Variants in PCDHGA6 observed in about 807,000 individuals in gnomAD.
PCDHGA6 encodes the protein protocadherin gamma subfamily A, 6.
A neutral mutation model predicts 60.6 loss-of-function variants in PCDHGA6; 41 were observed. The ratio of observed to expected loss-of-function variants is 0.68; its 90% CI spans 0.53 to 0.88. The LOEUF is 0.88. Ranked by LOEUF, PCDHGA6 falls within the 40% of genes least tolerant of loss-of-function variation. PCDHGA6 has a pLI of 0.00. For missense variants in PCDHGA6, 1,312 were observed against 1,203.0 expected (o/e 1.09, Z -1.34); for synonymous variants, 594 against 524.4 (o/e 1.13, Z -1.81).
At chr5:141,422,280 C>G (rs748287385) in intron 1 of PCDHGA6, 9 of 1,557,754 alleles carry the variant, frequency 5.8e-6, no homozygotes, top group Non-Finnish European at 7.8e-6. Flanking sequence ...TAACTATCAC[C>G]TCTTCTATTA....
At chr5:141,466,213 C>G (rs2099118871) in intron 1 of PCDHGA6, among the ~76,000 whole-genome samples, 1 of 151,958 alleles carries the variant, frequency 6.6e-6, no homozygotes, top group South Asian at 2.1e-4. Flanking sequence ...CTCTGTTACC[C>G]AGGCTGGAGT....
At chr5:141,505,592 A>G in intron 3 of PCDHGA6, 111 bp downstream of exon 3, 1 of 1,567,266 alleles carries the variant, frequency 6.4e-7, no homozygotes. Context: ...GTTTCTCCAG[A>G]TCTTTCGGCA....
chr5:141,389,126 A>G, intron 1 of PCDHGA6: 1 of 1,614,034 alleles, frequency 6.2e-7, no homozygotes, highest in South Asian at 1.1e-5. Context: ...AGCAGAATCC[A>G]GAGTACAATA....
intron 1 of PCDHGA6, among the ~76,000 whole-genome samples, chr5:141,484,084 T>A (rs1030166144): frequency 3.3e-5 from 5 of 152,174 alleles, no homozygotes; most frequent in African/African-American, 4.8e-5. Flanking sequence ...TCTTTTGAAA[T>A]GGTCTTCGTT....
At chr5:141,441,757 G>A (rs1423867327) in intron 1 of PCDHGA6, 2 of 381,638 alleles carry the variant, frequency 5.2e-6, no homozygotes, top group Middle Eastern at 6.5e-4. Context: ...GTCAACGTGA[G>A]CCTGCGCGTG....
At chr5:141,451,535 A>G (rs150174911) in intron 1 of PCDHGA6, among the ~76,000 whole-genome samples, 2 of 152,328 alleles carry the variant, frequency 1.3e-5, no homozygotes, top group Non-Finnish European at 2.9e-5. Flanking sequence ...GGAGAGTGCC[A>G]GAGAGGGCAA....
chr5:141,439,410 A>T (rs2098110832), intron 1 of PCDHGA6, among the ~76,000 whole-genome samples: 1 of 152,220 alleles, frequency 6.6e-6, no homozygotes, highest in African/African-American at 2.4e-5. Context: ...TGCTAACATC[A>T]CTGAGGTTAT....
Position 141,431,804 on chromosome 5 carries a change from C to G in PCDHGA6, c.2424+55297C>G. On this transcript the variant is annotated intron_variant, in intron 1 of 3. Transcript: ENST00000517434. This position sits in a 1 kb window ranked among gnomAD's most constrained non-coding sequence, Gnocchi z 4.8. Reference sequence around the variant, plus strand: ...GAACGACAATGCCCCAGAAGTGGTCCTCACCTCTCTCGCCAGCTCGGTTCC... The same window carrying G: ...GAACGACAATGCCCCAGAAGTGGTCGTCACCTCTCTCGCCAGCTCGGTTCC... 6.2e-7 allele frequency: 1 copy of G among 1,614,232 alleles called. No homozygotes were observed. The highest frequency in any genetic ancestry group is 1.3e-5 in the African/African-American group (1 of 75,056).
rs1186225096 is a variant in PCDHGA6, at chr5:141,490,605, C to G, written c.2425-4202C>G. The G allele has an allele frequency of 1.1e-5, 18 of 1,614,198 alleles. No homozygotes were observed. Among genetic ancestry groups the G allele is most frequent in the Non-Finnish European group, 1.5e-5 (18 of 1,180,030 alleles). On this transcript the variant is annotated intron_variant, in intron 1 of 3. Transcript: ENST00000517434. The surrounding 1 kb of genome is among the most constrained non-coding windows in gnomAD (Gnocchi z 5.4). ...TCAATGACAATGCACCCCGCTTCAACCAGCAGCTTTACACTGCTTACATCC... is the reference window on the plus strand; with the variant it reads ...TCAATGACAATGCACCCCGCTTCAAGCAGCAGCTTTACACTGCTTACATCC...
intron 1 of PCDHGA6, chr5:141,428,594 G>T (rs1317075888): frequency 4.4e-6 from 1 of 227,916 alleles, no homozygotes; most frequent in Admixed American, 5.2e-5. Context: ...CTGGTAGCAA[G>T]CTTCACTGAA....
intron 1 of PCDHGA6, among the ~76,000 whole-genome samples, chr5:141,386,628 C>A (rs529516653): frequency 2.0e-5 from 3 of 151,780 alleles, no homozygotes; most frequent in Non-Finnish European, 4.4e-5. Flanking sequence ...CTCGCTCTGT[C>A]ACCCAGGCTG....
At chr5:141,421,964 C>A (rs772274014) in intron 1 of PCDHGA6, 3 of 1,611,350 alleles carry the variant, frequency 1.9e-6, no homozygotes, top group Non-Finnish European at 2.5e-6. Flanking sequence ...TTTACACAGT[C>A]CGTATATCGC....
At chr5:141,394,154 C>A (rs770076493) in intron 1 of PCDHGA6, 1 of 1,613,918 alleles carries the variant, frequency 6.2e-7, no homozygotes, top group Admixed American at 1.7e-5. Context: ...ACATTAACGA[C>A]AACCCTCCTA....
chr5:141,475,749 A>G (rs1039777629), intron 1 of PCDHGA6, among the ~76,000 whole-genome samples: 13 of 152,278 alleles, frequency 8.5e-5, no homozygotes, highest in Admixed American at 6.5e-5. Context: ...TAGGTTTCCT[A>G]TGCACCGATA....
chr5:141,469,206 AG>A (rs1457933263), intron 1 of PCDHGA6, among the ~76,000 whole-genome samples: 1 of 150,920 alleles, frequency 6.6e-6, no homozygotes, highest in African/African-American at 2.4e-5. Context: ...AGCCTTTTGA[AG>A]TTGAGGCTTC....
intron 1 of PCDHGA6, among the ~76,000 whole-genome samples, chr5:141,437,741 C>CTTT (rs35124340): frequency 4.2e-5 from 6 of 141,750 alleles, no homozygotes; most frequent in Admixed American, 7.0e-5. Flanking sequence ...TTGAGTTCAC[C>CTTT]TTTTTTTTTT....
At chr5:141,459,984 A>G (rs906041823) in intron 1 of PCDHGA6, among the ~76,000 whole-genome samples, 4 of 152,216 alleles carry the variant, frequency 2.6e-5, no homozygotes, top group Non-Finnish European at 5.9e-5. Flanking sequence ...AGGCTGAGAC[A>G]GGAGAATCGC....
At position 141,486,878 on chromosome 5, in the gene PCDHGA6, C is replaced by T. The variant is rs772994346; in HGVS notation, c.2425-7929C>T. ...CAATGCTCCAGCTGTGCTCCGTCCT[C>T]GGGCCCGGCCTGGTTCCTTATGTCC... On this transcript the variant is annotated intron_variant, in intron 1 of 3. Transcript: ENST00000517434. The surrounding 1 kb of genome is among the most constrained non-coding windows in gnomAD (Gnocchi z 5.0). 3.0e-5 allele frequency: 49 copies of T among 1,614,114 alleles called. No homozygotes were observed. The highest frequency in any genetic ancestry group is 4.4e-5 in the South Asian group (4 of 91,088).
intron 1 of PCDHGA6, among the ~76,000 whole-genome samples, chr5:141,494,030 A>G (rs1165393646): frequency 6.6e-6 from 1 of 151,978 alleles, no homozygotes; most frequent in Non-Finnish European, 1.5e-5. Context: ...AGCCCTGGAG[A>G]CTTAGTTGGC....
Sources: allele counts gnomAD v4.1 joint callset (sites outside exome capture counted in the v4.1 genomes callset), GRCh38; gene constraint gnomAD v4.1.1; non-coding constraint Gnocchi (gnomAD v3.1); transcripts MANE v1.5; gene names NCBI Gene and HGNC (gene_info 2026-07-23, HGNC 2026-07-21).